The following ZNF521 variants were observed in gnomAD, a reference collection of about 807,000 sequenced individuals.
ZNF521 encodes zinc finger protein 521.
ZNF521 carries 14 observed loss-of-function variants against 105.5 expected under a neutral mutation model. That is an observed-to-expected ratio of 0.13 (90% CI 0.09 to 0.21). The LOEUF (loss-of-function observed/expected upper bound fraction) is 0.21, where lower values mean the gene tolerates loss of function less well. Among genes scored for constraint, ZNF521 ranks in the 10% least tolerant of loss-of-function variants. The probability of loss-of-function intolerance (pLI) is 1.00; values close to 1 mark genes in which losing one functional copy is unlikely to be tolerated. For synonymous variants in ZNF521, 635 were observed against 606.0 expected, an observed-to-expected ratio of 1.05 and a Z score of -0.70; for missense variants, 1,233 against 1,629.7, an observed-to-expected ratio of 0.76 and a Z score of 4.19.
At chr18:25,273,081 G>T (rs1395098378) in intron 3 of ZNF521, among the ~76,000 whole-genome samples, 1 of 151,066 alleles carries the variant, frequency 6.6e-6, no homozygotes, top group African/African-American at 2.4e-5. Flanking sequence ...AAAAAATTTA[G>T]CCAGGCACGA....
At chr18:25,116,811 A>C (rs1376906483) in intron 5 of ZNF521, among the ~76,000 whole-genome samples, 4 of 150,592 alleles carry the variant, frequency 2.7e-5, no homozygotes, top group Non-Finnish European at 4.4e-5. Context: ...TAGAAAACAT[A>C]ATTTGGGGCA....
intron 7 of ZNF521, among the ~76,000 whole-genome samples, chr18:25,083,796 C>G (rs1213327903): frequency 6.6e-6 from 1 of 151,808 alleles, no homozygotes; most frequent in Non-Finnish European, 1.5e-5. Flanking sequence ...CAAGGTCTCT[C>G]TCTCTCTCTG....
intron 2 of ZNF521, among the ~76,000 whole-genome samples, chr18:25,346,220 A>G (rs543242911): frequency 6.6e-6 from 1 of 152,146 alleles, no homozygotes; most frequent in South Asian, 2.1e-4. Context: ...TCAAAACTCA[A>G]TCTTTACTGA....
chr18:25,262,784 G>A (rs1908998068), intron 3 of ZNF521, among the ~76,000 whole-genome samples: 1 of 152,216 alleles, frequency 6.6e-6, no homozygotes, highest in South Asian at 2.1e-4. Flanking sequence ...CTGTCATGTA[G>A]GGGATGTTTT....
intron 2 of ZNF521, among the ~76,000 whole-genome samples, chr18:25,346,928 C>G (rs1914487130): frequency 6.6e-6 from 1 of 152,122 alleles, no homozygotes; most frequent in Non-Finnish European, 1.5e-5. Context: ...TAACTTGGCT[C>G]TTACTGAATA....
intron 5 of ZNF521, among the ~76,000 whole-genome samples, chr18:25,141,458 C>G (rs900542759): frequency 6.6e-6 from 1 of 152,112 alleles, no homozygotes; most frequent in African/African-American, 2.4e-5. Context: ...GCCGTTCTTC[C>G]TTAGAGCACA....
intron 5 of ZNF521, among the ~76,000 whole-genome samples, chr18:25,095,397 A>G (rs1330878723): frequency 1.3e-5 from 2 of 152,200 alleles, no homozygotes; most frequent in Non-Finnish European, 2.9e-5. Flanking sequence ...TGACTCATTT[A>G]TTAAAAAGAG....
chr18:25,086,796 C>T (rs77115133), intron 7 of ZNF521, among the ~76,000 whole-genome samples: 2 of 152,108 alleles, frequency 1.3e-5, no homozygotes, highest in East Asian at 1.9e-4. Flanking sequence ...TTTGTATGAG[C>T]GAGTCAGAAA....
At chr18:25,306,602 C>T (rs973487435) in intron 3 of ZNF521, among the ~76,000 whole-genome samples, 3 of 152,132 alleles carry the variant, frequency 2.0e-5, no homozygotes, top group Non-Finnish European at 2.9e-5. Flanking sequence ...GACAAGAACA[C>T]TAGCCAGCCT....
At chr18:25,202,282 A>G (rs915517603) in intron 4 of ZNF521, 2 of 152,220 alleles carry the variant, frequency 1.3e-5, no homozygotes, top group African/African-American at 4.8e-5. Context: ...TGAAAAAATA[A>G]AAAATAATAC....
At chr18:25,193,230 TA>T (rs2035848560) in intron 5 of ZNF521, among the ~76,000 whole-genome samples, 1 of 152,106 alleles carries the variant, frequency 6.6e-6, no homozygotes, top group Non-Finnish European at 1.5e-5. Flanking sequence ...TTAATGTTTA[TA>T]GGCAAAATGA....
chr18:25,238,904 C>T (rs1319896705), intron 3 of ZNF521, among the ~76,000 whole-genome samples: 1 of 152,110 alleles, frequency 6.6e-6, no homozygotes, highest in Non-Finnish European at 1.5e-5. Flanking sequence ...TAGCAAGTTT[C>T]CTGAGTCTTC....
At chr18:25,229,534 A>C (rs552272872) in intron 3 of ZNF521, among the ~76,000 whole-genome samples, 3 of 129,538 alleles carry the variant, frequency 2.3e-5, no homozygotes, top group Admixed American at 1.5e-4. Context: ...ACCACTCAAC[A>C]TACAAAAAAA....
At chr18:25,322,375 T>C in intron 2 of ZNF521, 188 bp from the exon 3 acceptor site, 2 of 726,268 alleles carry the variant, frequency 2.8e-6, no homozygotes, top group Non-Finnish European at 5.0e-6. Flanking sequence ...TTAGTGACTA[T>C]CAAAGGCCTT....
chr18:25,091,520 G>A (rs912767847), intron 6 of ZNF521, among the ~76,000 whole-genome samples: 2 of 152,018 alleles, frequency 1.3e-5, no homozygotes, highest in South Asian at 2.1e-4. Context: ...ATTTCTGGTG[G>A]AGAATGTTAT....
chr18:25,285,694 T>TCACA (rs1411607928), intron 3 of ZNF521, among the ~76,000 whole-genome samples: 1 of 133,060 alleles, frequency 7.5e-6, no homozygotes, highest in East Asian at 2.3e-4. Context: ...TCTCTCTCTC[T>TCACA]CTCTCACACA....
chr18:25,282,393 C>T (rs1910435025), intron 3 of ZNF521, among the ~76,000 whole-genome samples: 1 of 152,102 alleles, frequency 6.6e-6, no homozygotes, highest in African/African-American at 2.4e-5. Context: ...GCCACTAGAC[C>T]AGGGAGCAAA....
chr18:25,237,426 TTATA>T (rs1208018961), intron 3 of ZNF521, among the ~76,000 whole-genome samples: 1 of 152,042 alleles, frequency 6.6e-6, no homozygotes, highest in East Asian at 1.9e-4. Context: ...TTTTATTAAA[TTATA>T]TATATGTGTC....
chr18:25,231,658 A>C (rs1906536240), intron 3 of ZNF521: 1 of 152,248 alleles, frequency 6.6e-6, no homozygotes, highest in African/African-American at 2.4e-5. Context: ...CTGGTGTTCA[A>C]GACTAATCAA....
Sources: allele counts gnomAD v4.1 joint callset (sites outside exome capture counted in the v4.1 genomes callset), GRCh38; gene constraint gnomAD v4.1.1; transcripts MANE v1.5; gene names NCBI Gene and HGNC (gene_info 2026-07-23, HGNC 2026-07-21).